Variants in SWAP70 observed in about 807,000 individuals in gnomAD.
SWAP70 encodes switch-associated protein 70.
In SWAP70, 34 loss-of-function variants were observed where a neutral mutation model predicts 80.2. That is an observed-to-expected ratio of 0.42 (90% CI 0.32 to 0.56). SWAP70 has a LOEUF of 0.56. SWAP70 is among the 20% of genes least tolerant of loss of function. The pLI is 0.09. For synonymous variants in SWAP70, 239 were observed against 238.5 expected (o/e 1.00, Z -0.02); for missense variants, 578 against 690.7 (o/e 0.84, Z 1.83).
In SWAP70 at chr11:9,671,122, T is replaced by A. The variant is rs1046624204; in HGVS notation, c.99+6844T>A. On this transcript the variant is annotated intron_variant, in intron 1 of 11. Coordinates refer to ENST00000318950, the MANE Select transcript of SWAP70 (RefSeq NM_015055.4). ...AAATATATAAATATAAAAATATATA[T>A]AAATATATTTATAAATATAAATATA... Among the ~76,000 whole-genome samples the A allele has an allele frequency of 2.6e-3, 342 of 132,922 alleles. 2 individuals are homozygous for A. The highest frequency in any genetic ancestry group is 9.4e-3 in the African/African-American group (311 of 32,984). 87.2% of individuals were successfully genotyped at this position (132,922 alleles called of 152,430 possible).
intron 4 of SWAP70, among the ~76,000 whole-genome samples, chr11:9,725,542 T>A (rs1246688794): frequency 1.1e-4 from 1 of 9,494 alleles, no homozygotes; most frequent in African/African-American, 2.8e-4. Context: ...TATATATATA[T>A]ATATATATAT....
At chr11:9,740,683 CG>C in intron 9 of SWAP70, 1 of 352,386 alleles carries the variant, frequency 2.8e-6, no homozygotes, top group South Asian at 2.5e-5. Context: ...ATCTTCAACA[CG>C]CTCCAGACCA....
intron 1 of SWAP70, among the ~76,000 whole-genome samples, chr11:9,673,507 T>G (rs1850446723): frequency 6.6e-6 from 1 of 152,186 alleles, no homozygotes; most frequent in Non-Finnish European, 1.5e-5. Context: ...TTATGGAGAC[T>G]TTATTGGATA....
At chr11:9,672,424 G>T (rs979225424) in intron 1 of SWAP70, among the ~76,000 whole-genome samples, 1 of 150,976 alleles carries the variant, frequency 6.6e-6, no homozygotes, top group Non-Finnish European at 1.5e-5. Context: ...GAGTGCAGTG[G>T]CACGATCATA....
intron 4 of SWAP70, chr11:9,725,140 G>C (rs913686243): frequency 1.3e-5 from 5 of 399,472 alleles, no homozygotes; most frequent in Non-Finnish European, 1.8e-5. Context: ...CCCATGCCCA[G>C]CTAATTTTTG....
At chr11:9,729,820 T>A (rs1851273776) in intron 6 of SWAP70, among the ~76,000 whole-genome samples, 1 of 152,180 alleles carries the variant, frequency 6.6e-6, no homozygotes, top group Non-Finnish European at 1.5e-5. Context: ...GTTTTGAATC[T>A]CATGAAGGAT....
chr11:9,704,859 A>G (rs1284122035), intron 2 of SWAP70, among the ~76,000 whole-genome samples: 1 of 152,236 alleles, frequency 6.6e-6, no homozygotes, highest in Non-Finnish European at 1.5e-5. Context: ...AAATATTTGC[A>G]TATCCACAGA....
At chr11:9,681,283 T>C (rs1384940005) in intron 1 of SWAP70, 1 of 152,212 alleles carries the variant, frequency 6.6e-6, no homozygotes, top group Non-Finnish European at 1.5e-5. Context: ...AGAAAGGAAA[T>C]ACTGTGAGTG....
In SWAP70 at chr11:9,701,691, CTTTTTTTTTTTTTTTT is replaced by C. The variant is rs1163108695; in HGVS notation, c.240+7414_240+7429del. 5.2e-3 allele frequency among the ~76,000 whole-genome samples: 354 copies of C among 68,576 alleles called. 3 individuals carry two copies. Among genetic ancestry groups the C allele is most frequent in the African/African-American group, 0.017 (332 of 19,396 alleles). 45.0% of individuals were successfully genotyped at this position (68,576 alleles called of 152,430 possible). The stretch of plus-strand genomic sequence containing the variant: ...GTCTAGGAAGAAACTTTTGTGGGCT[CTTTTTTTTTTTTTTTT>C]TTTTTTTTGGCAGAGACACTATTGC... On this transcript the variant is annotated intron_variant, in intron 2 of 11. Transcript: ENST00000318950.
chr11:9,739,124 T>C (rs543207089), intron 8 of SWAP70, among the ~76,000 whole-genome samples: 2 of 152,132 alleles, frequency 1.3e-5, no homozygotes, highest in African/African-American at 4.8e-5. Flanking sequence ...AGAGTCTGAT[T>C]TGTTGCTCTT....
chr11:9,735,123 A>C (rs929320295), intron 7 of SWAP70, among the ~76,000 whole-genome samples: 63 of 152,142 alleles, frequency 4.1e-4, no homozygotes, highest in African/African-American at 7.2e-5. Context: ...AGGTTCAAAA[A>C]TATACAAATA....
At position 9,675,340 on chromosome 11, in the gene SWAP70, AGGGAGCG is replaced by A. The variant is rs1565111620; in HGVS notation, c.99+11063_99+11069del. Among the ~76,000 whole-genome samples, 286 of 62,400 alleles carry A rather than the reference AGGGAGCG, an allele frequency of 4.6e-3. 26 individuals are homozygous for A. The highest frequency in any genetic ancestry group is 0.012 in the African/African-American group (262 of 21,776). The allele number at this position is 62,400 out of a possible 152,430, so 40.9% of individuals were successfully genotyped here. Reference sequence around the variant, plus strand: ...GGGAGCGAGAGAGAGAGAGAGAGAGAGGGAGCGAGAGAGAGAGAGAGAGAGAGAGAGA... The same window carrying A: ...GGGAGCGAGAGAGAGAGAGAGAGAGAAGAGAGAGAGAGAGAGAGAGAGAGA... On this transcript the variant is annotated intron_variant, in intron 1 of 11. Coordinates refer to ENST00000318950, the MANE Select transcript of SWAP70 (RefSeq NM_015055.4).
intron 7 of SWAP70, 83 bp from the exon 8 acceptor site, chr11:9,738,130 A>G (rs1851386664): frequency 1.1e-6 from 1 of 904,280 alleles, no homozygotes. Flanking sequence ...CTTTTCCTGT[A>G]CTTAAGTATG....
intron 9 of SWAP70, among the ~76,000 whole-genome samples, chr11:9,743,019 A>G (rs1382317616): frequency 7.3e-5 from 11 of 149,698 alleles, no homozygotes; most frequent in Non-Finnish European, 1.5e-4. Context: ...ATTTAGCATT[A>G]GGTATATCTC....
At chr11:9,675,342 G>GA (rs1565111624) in intron 1 of SWAP70, among the ~76,000 whole-genome samples, 5 of 11,910 alleles carry the variant, frequency 4.2e-4, no homozygotes, top group East Asian at 2.8e-3. Context: ...AGAGAGAGAG[G>GA]GAGCGAGAGA....
At chr11:9,709,045 A>G (rs1192418918) in intron 2 of SWAP70, among the ~76,000 whole-genome samples, 1 of 152,142 alleles carries the variant, frequency 6.6e-6, no homozygotes, top group Non-Finnish European at 1.5e-5. Context: ...AGCTAGGACT[A>G]TAGGCACAAA....
In SWAP70 at chr11:9,750,641, T is replaced by C. The variant is rs556102599; in HGVS notation, c.*671T>C. On this transcript the variant is annotated 3_prime_UTR_variant, in exon 12 of 12. Coordinates refer to ENST00000318950, the MANE Select transcript of SWAP70 (RefSeq NM_015055.4). ...AGAGTTTGGAGGGGCTCACTGCCAC[T>C]GGGTACTCAGAACCTCTGTGGACTG... is the stretch of plus-strand genomic sequence containing the variant. 15 of 152,436 alleles carry C rather than the reference T, an allele frequency of 9.8e-5. No homozygotes were observed. Among genetic ancestry groups the C allele is most frequent in the African/African-American group, 3.6e-4 (15 of 41,600 alleles). The allele number at this position is 152,436 out of a possible 1,614,324, so 9.4% of individuals were successfully genotyped here. A position where few individuals can be genotyped will look rare whatever the true frequency, so the allele number is the denominator to read the frequency against.
chr11:9,738,746 A>G (rs1420185089), intron 8 of SWAP70, among the ~76,000 whole-genome samples: 1 of 151,264 alleles, frequency 6.6e-6, no homozygotes, highest in South Asian at 2.1e-4. Flanking sequence ...CTGTAGTTCC[A>G]GCTACTTAGG....
intron 2 of SWAP70, among the ~76,000 whole-genome samples, chr11:9,698,118 T>TTG (rs1850784101): frequency 6.8e-6 from 1 of 146,302 alleles, no homozygotes; most frequent in South Asian, 2.2e-4. Context: ...TTTTTTTTTT[T>TTG]GAGACCAGGT....
Sources: gnomAD v4.1 joint callset for allele counts (sites outside exome capture counted in the v4.1 genomes callset) on GRCh38, gnomAD v4.1.1 for gene constraint, MANE v1.5 for transcripts, NCBI Gene and HGNC (gene_info 2026-07-23, HGNC 2026-07-21) for gene names.